The following NRCAM variants were observed in gnomAD, a reference collection of about 807,000 sequenced individuals.
NRCAM encodes neuronal cell adhesion molecule, also known as NgCAM-related cell adhesion molecule.
Under a neutral mutation model 156.5 loss-of-function variants are expected in NRCAM, and 83 were observed. The ratio of observed to expected loss-of-function variants is 0.53; its 90% CI spans 0.44 to 0.64. NRCAM has a LOEUF of 0.64. NRCAM is among the 30% of genes least tolerant of loss of function. NRCAM has a pLI of 0.00. For synonymous variants in NRCAM, 538 were observed against 563.9 expected, an observed-to-expected ratio of 0.95 and a Z score of 0.65; for missense variants, 1,417 against 1,597.3, an observed-to-expected ratio of 0.89 and a Z score of 1.92.
intron 2 of NRCAM, among the ~76,000 whole-genome samples, chr7:108,394,174 G>C (rs1168051377): frequency 1.3e-5 from 2 of 152,170 alleles, no homozygotes; most frequent in African/African-American, 4.8e-5. Flanking sequence ...GCTCTGATTA[G>C]CTGAAGGCAG....
Position 108,390,736 on chromosome 7 carries a change from T to G in NRCAM, c.-174+8700A>C, listed in dbSNP as rs539922037. ...GTGCTATAAATTTCCCTCTACACAC[T>G]GCTTTAAATGTGTCCCAGAGATTCT... On this transcript the variant is annotated intron_variant, in intron 2 of 32. Transcript: ENST00000379028. Among the ~76,000 whole-genome samples, 78 of 152,346 alleles carry G rather than the reference T, an allele frequency of 5.1e-4. 1 individual carries two copies. In the South Asian group the frequency reaches 0.015, roughly 30 times the overall value.
At chr7:108,391,251 G>A (rs1418981414) in intron 2 of NRCAM, among the ~76,000 whole-genome samples, 1 of 151,980 alleles carries the variant, frequency 6.6e-6, no homozygotes, top group Non-Finnish European at 1.5e-5. Flanking sequence ...ATGAATCTGG[G>A]TGCTCCTGTA....
At chr7:108,232,218 G>A in intron 7 of NRCAM, 108 bp downstream of exon 7, 1 of 796,800 alleles carries the variant, frequency 1.3e-6, no homozygotes, top group Non-Finnish European at 2.0e-6. Flanking sequence ...CAGAATATTG[G>A]AAGCAATGCC....
chr7:108,392,589 G>A (rs535813767), intron 2 of NRCAM, among the ~76,000 whole-genome samples: 40 of 152,292 alleles, frequency 2.6e-4, no homozygotes, highest in Admixed American at 1.4e-3. Context: ...GTCATTCTCC[G>A]TCCAGCTTTG....
intron 1 of NRCAM, among the ~76,000 whole-genome samples, chr7:108,428,535 C>A (rs1820389967): frequency 6.6e-6 from 1 of 152,134 alleles, no homozygotes; most frequent in Admixed American, 6.6e-5. Flanking sequence ...GGCTGCAAAC[C>A]AAACAATGCT....
chr7:108,300,933 A>G (rs2098597935), intron 3 of NRCAM, among the ~76,000 whole-genome samples: 1 of 152,168 alleles, frequency 6.6e-6, no homozygotes, highest in African/African-American at 2.4e-5. Context: ...TTATTCAGGA[A>G]ATAGAATTAC....
At chr7:108,422,764 T>A (rs2300044) in intron 1 of NRCAM, among the ~76,000 whole-genome samples, 74,749 of 151,950 alleles carry the variant, frequency 0.49, 18,489 homozygotes, top group African/African-American at 0.52. Context: ...ATATTTTCCT[T>A]TCTAAATATA....
In NRCAM at chr7:108,180,250, C is replaced by T; in HGVS notation, c.2824G>A (p.Asp942Asn). The T allele has an allele frequency of 6.2e-7, 1 of 1,614,192 alleles. No homozygotes were observed. The change falls in exon 25 of 33, where the codon GAC (aspartate) becomes AAC (asparagine). Residue 942 changes from aspartate to asparagine, a missense_variant. Coordinates refer to ENST00000379028, the MANE Select transcript of NRCAM (RefSeq NM_001037132.4). Reference protein sequence around the residue: ...NGKGEGPASPDRVFNTPEGVP... With the variant: ...NGKGEGPASPNRVFNTPEGVP... Reference sequence around the variant, plus strand: ...CCTTCTGGAGTATTAAAGACTCTGTCAGGGCTGGCTGGGCCCTCCCCTTTC... The same window carrying T: ...CCTTCTGGAGTATTAAAGACTCTGTTAGGGCTGGCTGGGCCCTCCCCTTTC...
intron 13 of NRCAM, among the ~76,000 whole-genome samples, chr7:108,200,993 G>A (rs1030737577): frequency 1.9e-4 from 29 of 152,156 alleles, no homozygotes; most frequent in Admixed American, 1.8e-3. Context: ...AGGAAAGTGT[G>A]GGGGGCAGCG....
At chr7:108,201,751 G>A (rs551390500) in intron 13 of NRCAM, among the ~76,000 whole-genome samples, 2 of 152,126 alleles carry the variant, frequency 1.3e-5, no homozygotes, top group Admixed American at 1.3e-4. Context: ...CTTTGGGAAG[G>A]TATTTTTTTA....
chr7:108,309,004 G>C (rs2098759536), intron 3 of NRCAM, among the ~76,000 whole-genome samples: 2 of 152,212 alleles, frequency 1.3e-5, no homozygotes, highest in African/African-American at 2.4e-5. Flanking sequence ...CCAGGACAGA[G>C]AGCACTGCTC....
At chr7:108,327,351 C>G (rs988870216) in intron 2 of NRCAM, among the ~76,000 whole-genome samples, 1 of 152,144 alleles carries the variant, frequency 6.6e-6, no homozygotes, top group Non-Finnish European at 1.5e-5. Context: ...GCACTATATA[C>G]AAACATAAGT....
intron 2 of NRCAM, among the ~76,000 whole-genome samples, chr7:108,380,708 T>C (rs2099696980): frequency 6.6e-6 from 1 of 152,194 alleles, no homozygotes; most frequent in South Asian, 2.1e-4. Context: ...GATGTTGCTC[T>C]GTTGCTCAGG....
At chr7:108,356,917 G>A (rs2099506867) in intron 2 of NRCAM, among the ~76,000 whole-genome samples, 1 of 152,220 alleles carries the variant, frequency 6.6e-6, no homozygotes. Context: ...GGTCATGAGA[G>A]TGGAGCCTTC....
At chr7:108,185,078 G>T (rs1157740249) in intron 20 of NRCAM, among the ~76,000 whole-genome samples, 1 of 151,968 alleles carries the variant, frequency 6.6e-6, no homozygotes, top group Non-Finnish European at 1.5e-5. Context: ...ATTAAATATA[G>T]TGAGTGCCAT....
chr7:108,395,998 G>A (rs988970091), intron 2 of NRCAM, among the ~76,000 whole-genome samples: 4 of 152,056 alleles, frequency 2.6e-5, no homozygotes, highest in Non-Finnish European at 5.9e-5. Flanking sequence ...GCAGCCAAGC[G>A]ATACACACGG....
In NRCAM at chr7:108,392,392, G is replaced by A. The variant is rs867671803; in HGVS notation, c.-174+7044C>T. 9.2e-5 allele frequency among the ~76,000 whole-genome samples: 14 copies of A among 152,084 alleles called. No homozygotes were observed. In the East Asian group the frequency reaches 1.5e-3, roughly 17 times the overall value. The stretch of plus-strand genomic sequence containing the variant: ...CTACTAATGCTTGTTCATGCGTCAC[G>A]TAGTTCTCGTGCCATGGTTTTCAGC... On this transcript the variant is annotated intron_variant, in intron 2 of 32. Transcript: ENST00000379028.
Position 108,199,357 on chromosome 7 carries a change from C to G in NRCAM, c.1208-1258G>C, listed in dbSNP as rs986003458. On this transcript the variant is annotated intron_variant, in intron 13 of 32. Coordinates refer to ENST00000379028, the MANE Select transcript of NRCAM (RefSeq NM_001037132.4). The stretch of plus-strand genomic sequence containing the variant: ...ACTCGAAGTATTTGGCTCCCTCATT[C>G]TGTAATAGTTTTCCACGGTTGCTGT... Among the ~76,000 whole-genome samples the G allele has an allele frequency of 4.6e-5, 7 of 152,250 alleles. 1 individual carries two copies. Among genetic ancestry groups the G allele is most frequent in the Admixed American group, 1.3e-4 (2 of 15,286 alleles).
chr7:108,455,399 G>C (rs904027638), intron 1 of NRCAM, among the ~76,000 whole-genome samples: 28 of 152,308 alleles, frequency 1.8e-4, no homozygotes, highest in African/African-American at 6.5e-4. Flanking sequence ...ATCCCGGGCG[G>C]AGCGGATGCC....
Sources: gnomAD v4.1 joint callset for allele counts (sites outside exome capture counted in the v4.1 genomes callset) on GRCh38, gnomAD v4.1.1 for gene constraint, MANE v1.5 for transcripts, NCBI Gene and HGNC (gene_info 2026-07-23, HGNC 2026-07-21) for gene names.